Variants in NEK7 observed in about 807,000 individuals in gnomAD.
NEK7 encodes the protein serine/threonine-protein kinase Nek7.
Under a neutral mutation model 44.6 loss-of-function variants are expected in NEK7, and 18 were observed. That is an observed-to-expected ratio of 0.40 (90% CI 0.28 to 0.60). The LOEUF (loss-of-function observed/expected upper bound fraction) is 0.60, where lower values mean the gene tolerates loss of function less well. NEK7 is among the 20% of genes least tolerant of loss of function. The pLI is 0.38. For missense variants in NEK7, 256 were observed against 366.5 expected, an observed-to-expected ratio of 0.70 and a Z score of 2.46; for synonymous variants, 130 against 121.1, an observed-to-expected ratio of 1.07 and a Z score of -0.48.
chr1:198,305,868 G>A (rs1655009531), intron 9 of NEK7, among the ~76,000 whole-genome samples: 1 of 152,170 alleles, frequency 6.6e-6, no homozygotes, highest in South Asian at 2.1e-4. Context: ...TCTTTTGAAA[G>A]TCTAATAACC....
At chr1:198,243,499 C>A (rs1281255630) in intron 2 of NEK7, among the ~76,000 whole-genome samples, 1 of 152,092 alleles carries the variant, frequency 6.6e-6, no homozygotes, top group Non-Finnish European at 1.5e-5. Flanking sequence ...ATGGGAGTAT[C>A]TTTGACGTTA....
At chr1:198,236,490 A>G (rs762609687) in intron 2 of NEK7, among the ~76,000 whole-genome samples, 6 of 151,646 alleles carry the variant, frequency 4.0e-5, no homozygotes, top group Non-Finnish European at 8.8e-5. Context: ...TAGCGCATCC[A>G]CTCCCTACTT....
chr1:198,241,237 G>A (rs980005372), intron 2 of NEK7, among the ~76,000 whole-genome samples: 1 of 152,112 alleles, frequency 6.6e-6, no homozygotes, highest in Non-Finnish European at 1.5e-5. Context: ...TGAATATTAC[G>A]ATCTTGTCAT....
intron 7 of NEK7, among the ~76,000 whole-genome samples, chr1:198,284,712 T>C (rs1159024907): frequency 6.6e-6 from 1 of 152,180 alleles, no homozygotes; most frequent in Non-Finnish European, 1.5e-5. Flanking sequence ...AGAGGCAGCT[T>C]ACTAAGAGAT....
intron 1 of NEK7, chr1:198,208,507 G>C (rs1407922780): frequency 2.6e-5 from 4 of 152,158 alleles, no homozygotes; most frequent in African/African-American, 9.7e-5. Flanking sequence ...CTCCTGAGGA[G>C]CTGGGACCAC....
chr1:198,299,059 A>G lies in NEK7; in HGVS notation c.798+1819A>G, dbSNP rs369646570. ...TTCCACTTTTTACTTCACTCTATAT[A>G]GTTACCAGTTTCGAAAAGAGCTGTA... On this transcript the variant is annotated intron_variant, in intron 9 of 9. Transcript: ENST00000367385. Among the ~76,000 whole-genome samples the G allele has an allele frequency of 3.3e-5, 5 of 152,244 alleles. No individual in the cohort carries two copies. The East Asian group carries it at 9.6e-4, about 29-fold the overall frequency.
At chr1:198,166,062 G>T (rs1664258078) in intron 1 of NEK7, among the ~76,000 whole-genome samples, 1 of 152,214 alleles carries the variant, frequency 6.6e-6, no homozygotes, top group Non-Finnish European at 1.5e-5. Context: ...TCACAGAGCT[G>T]AAGGGAGTTA....
chr1:198,184,398 C>T (rs1664855073), intron 1 of NEK7, among the ~76,000 whole-genome samples: 2 of 152,112 alleles, frequency 1.3e-5, no homozygotes, highest in African/African-American at 4.8e-5. Context: ...ATCTGTTTGA[C>T]AGACAAATTT....
chr1:198,210,692 G>A (rs1571534864), intron 1 of NEK7, among the ~76,000 whole-genome samples: 1 of 135,422 alleles, frequency 7.4e-6, no homozygotes, highest in African/African-American at 2.7e-5. Context: ...TTATTATTTT[G>A]ATAGGCTATC....
chr1:198,167,692 C>T (rs1558038791), intron 1 of NEK7, among the ~76,000 whole-genome samples: 2 of 152,152 alleles, frequency 1.3e-5, no homozygotes, highest in Non-Finnish European at 2.9e-5. Flanking sequence ...AGCTCTTTGC[C>T]TTGCCACTTA....
chr1:198,216,600 T>C (rs79483596), intron 1 of NEK7, among the ~76,000 whole-genome samples: 4,316 of 151,192 alleles, frequency 0.029, 196 homozygotes, highest in African/African-American at 0.099. Flanking sequence ...CTAAATGAAA[T>C]TAGAACAAAC....
intron 9 of NEK7, among the ~76,000 whole-genome samples, chr1:198,303,757 C>G (rs999151821): frequency 1.3e-5 from 2 of 152,140 alleles, no homozygotes; most frequent in East Asian, 3.9e-4. Flanking sequence ...TTATATGGCA[C>G]AAATAATGTC....
chr1:198,234,714 T>G (rs1160797825), intron 2 of NEK7, among the ~76,000 whole-genome samples: 1 of 152,224 alleles, frequency 6.6e-6, no homozygotes, highest in Non-Finnish European at 1.5e-5. Flanking sequence ...CTTTTTACAC[T>G]GTTCCTTTCG....
chr1:198,277,668 T>G (rs1007962357), intron 5 of NEK7: 2 of 193,946 alleles, frequency 1.0e-5, no homozygotes, highest in African/African-American at 4.7e-5. Context: ...TTTGACATCT[T>G]CCTTTTAAGA....
At chr1:198,171,955 G>A (rs1367114491) in intron 1 of NEK7, among the ~76,000 whole-genome samples, 4 of 152,126 alleles carry the variant, frequency 2.6e-5, no homozygotes, top group South Asian at 2.1e-4. Flanking sequence ...ACCCAGTGAT[G>A]GTGTCTGTCA....
intron 5 of NEK7, among the ~76,000 whole-genome samples, chr1:198,268,542 C>G (rs557049936): frequency 5.3e-5 from 8 of 152,198 alleles, no homozygotes; most frequent in African/African-American, 1.9e-4. Flanking sequence ...CTTTTTGTCT[C>G]CCAACATCCA....
chr1:198,158,025 G>T (rs1280121556), intron 1 of NEK7, among the ~76,000 whole-genome samples: 1 of 152,174 alleles, frequency 6.6e-6, no homozygotes, highest in South Asian at 2.1e-4. Context: ...ACAACCTAGA[G>T]GATGCTGCCT....
chr1:198,190,057 T>C (rs1246228305), intron 1 of NEK7, among the ~76,000 whole-genome samples: 2 of 152,150 alleles, frequency 1.3e-5, no homozygotes, highest in Non-Finnish European at 2.9e-5. Flanking sequence ...GAAAAATGCT[T>C]GCATTTTATT....
chr1:198,296,534 C>T (rs1467856027), intron 8 of NEK7, among the ~76,000 whole-genome samples: 4 of 152,118 alleles, frequency 2.6e-5, no homozygotes, highest in Non-Finnish European at 4.4e-5. Flanking sequence ...AGCTTTTGAA[C>T]ATATTTAATT....
Sources: allele counts gnomAD v4.1 joint callset (sites outside exome capture counted in the v4.1 genomes callset), GRCh38; gene constraint gnomAD v4.1.1; transcripts MANE v1.5; gene names NCBI Gene and HGNC (gene_info 2026-07-23, HGNC 2026-07-21).